The following OPRM1 variants were observed in gnomAD, a reference collection of about 807,000 sequenced individuals.
OPRM1 encodes the protein opioid receptor mu 1, also known as mu-type opioid receptor.
In OPRM1, 27 loss-of-function variants were observed where a neutral mutation model predicts 31.8. That is an observed-to-expected ratio of 0.85 (90% CI 0.63 to 1.17). The LOEUF (loss-of-function observed/expected upper bound fraction) is 1.17, where lower values mean the gene tolerates loss of function less well. OPRM1 is among the 50% of genes most tolerant of loss of function. The pLI is 0.00. For synonymous variants in OPRM1, 196 were observed against 189.9 expected (o/e 1.03, Z -0.26); for missense variants, 536 against 511.1 (o/e 1.05, Z -0.47).
intron 1 of OPRM1, among the ~76,000 whole-genome samples, chr6:154,021,283 T>C (rs1778352358): frequency 6.6e-6 from 1 of 152,200 alleles, no homozygotes; most frequent in African/African-American, 2.4e-5. Context: ...TATGGATCTA[T>C]ACCTGTGCTC....
intron 3 of OPRM1, among the ~76,000 whole-genome samples, chr6:154,152,347 G>GGAA (rs1798546951): frequency 4.6e-5 from 3 of 65,132 alleles, no homozygotes; most frequent in African/African-American, 1.1e-4. Context: ...AAGAAAGAAA[G>GGAA]GAAAGAAAGA....
At chr6:154,117,609 G>A (rs1797006789) in intron 3 of OPRM1, among the ~76,000 whole-genome samples, 1 of 152,104 alleles carries the variant, frequency 6.6e-6, no homozygotes, top group South Asian at 2.1e-4. Flanking sequence ...CGATCAAGCA[G>A]CCACATCATG....
intron 1 of OPRM1, among the ~76,000 whole-genome samples, chr6:154,028,920 A>C (rs1387951223): frequency 6.6e-6 from 1 of 152,168 alleles, no homozygotes. Flanking sequence ...ACTTAAAACC[A>C]AGTGCTGTGA....
intron 3 of OPRM1, among the ~76,000 whole-genome samples, chr6:154,186,125 T>C (rs1243016845): frequency 1.3e-5 from 2 of 152,220 alleles, no homozygotes; most frequent in African/African-American, 4.8e-5. Context: ...TGCTGAAGAT[T>C]ATCCATTTTA....
At chr6:154,027,826 C>T (rs542724384) in intron 1 of OPRM1, among the ~76,000 whole-genome samples, 95 of 152,322 alleles carry the variant, frequency 6.2e-4, no homozygotes, top group African/African-American at 2.1e-3. Context: ...AAAGGCTCTT[C>T]AGTCAGCTTG....
At chr6:154,090,675 C>G (rs1166230323) in intron 2 of OPRM1, among the ~76,000 whole-genome samples, 3 of 152,130 alleles carry the variant, frequency 2.0e-5, no homozygotes, top group Non-Finnish European at 4.4e-5. Context: ...CATGGAGGAT[C>G]TAGCTCATGT....
chr6:154,119,710 T>A lies in OPRM1; in HGVS notation c.*989T>A, dbSNP rs1797198459. Among the ~76,000 whole-genome samples, 1 of 152,308 alleles carries A rather than the reference T, an allele frequency of 6.6e-6. No homozygotes were observed. The highest frequency in any genetic ancestry group is 2.1e-4 in the South Asian group (1 of 4,832). On this transcript the variant is annotated 3_prime_UTR_variant, in exon 4 of 4. Transcript: ENST00000330432. ...TGTTGATTGCCAGAACAGTTTAAAC[T>A]TTTTTTAAACAATAAATCCAATAAA...
intron 3 of OPRM1, among the ~76,000 whole-genome samples, chr6:154,196,196 G>A (rs756296666): frequency 2.6e-5 from 4 of 152,092 alleles, no homozygotes; most frequent in Non-Finnish European, 5.9e-5. Flanking sequence ...AAATTGAATG[G>A]AGTCCAGTTT....
At chr6:154,218,677 A>C (rs1359730893) in intron 3 of OPRM1, among the ~76,000 whole-genome samples, 1 of 152,208 alleles carries the variant, frequency 6.6e-6, no homozygotes, top group Non-Finnish European at 1.5e-5. Context: ...GAGAAGTTGC[A>C]TTGTTGGCTA....
At chr6:154,188,143 T>G (rs1801546433) in intron 3 of OPRM1, among the ~76,000 whole-genome samples, 1 of 152,188 alleles carries the variant, frequency 6.6e-6, no homozygotes, top group Admixed American at 6.5e-5. Context: ...AGAATTAAAA[T>G]GACAATTTAG....
At chr6:154,104,877 G>A (rs1312920191) in intron 3 of OPRM1, among the ~76,000 whole-genome samples, 5 of 152,136 alleles carry the variant, frequency 3.3e-5, no homozygotes, top group Non-Finnish European at 1.5e-5. Flanking sequence ...TATAAGTTGG[G>A]TAAATTTCTT....
At chr6:154,065,622 A>G (rs1785241506) in intron 1 of OPRM1, among the ~76,000 whole-genome samples, 1 of 152,230 alleles carries the variant, frequency 6.6e-6, no homozygotes, top group African/African-American at 2.4e-5. Flanking sequence ...GTATTCTGCT[A>G]CTTCACCAAA....
intron 3 of OPRM1, among the ~76,000 whole-genome samples, chr6:154,164,171 A>G (rs1583679908): frequency 6.6e-6 from 1 of 152,240 alleles, no homozygotes; most frequent in East Asian, 1.9e-4. Flanking sequence ...ATATTAAAAA[A>G]TTAAATAAGA....
At chr6:154,223,522 C>G (rs1300000723) in intron 3 of OPRM1, among the ~76,000 whole-genome samples, 1 of 150,004 alleles carries the variant, frequency 6.7e-6, no homozygotes, top group Non-Finnish European at 1.5e-5. Flanking sequence ...CCTGTCTCCA[C>G]CGGCCTCCTG....
At chr6:154,135,499 A>AGATATAGAT (rs1798037429), downstream of OPRM1, among the ~76,000 whole-genome samples, 1 of 149,984 alleles carries the variant, frequency 6.7e-6, no homozygotes, top group Non-Finnish European at 1.5e-5. Context: ...ATATAGATAT[A>AGATATAGAT]GATATAGATA....
rs1295071766 is a variant in OPRM1, at chr6:154,039,257, T to C, written c.-288T>C. 1 of 1,551,526 alleles carries C rather than the reference T, an allele frequency of 6.4e-7. No homozygotes were observed. The highest frequency in any genetic ancestry group is 8.7e-7 in the Non-Finnish European group (1 of 1,146,896). ...TTTCCCTCCTCCCTCCCTTCCAGCC[T>C]CCGAATCCCGCATGGCCCACGCTCC... On this transcript the variant is annotated 5_prime_UTR_variant, in exon 1 of 4. Transcript: ENST00000330432.
chr6:154,154,837 A>G (rs1380307669), intron 3 of OPRM1: 10 of 152,648 alleles, frequency 6.6e-5, no homozygotes, highest in Admixed American at 3.9e-4. Flanking sequence ...ATGAGAGCAC[A>G]GTAAAACTTA....
chr6:154,240,499 C>A (rs563505310), intron 3 of OPRM1, among the ~76,000 whole-genome samples: 2 of 149,614 alleles, frequency 1.3e-5, no homozygotes, highest in African/African-American at 2.5e-5. Flanking sequence ...GAAAATTAAT[C>A]TGTTCTTTAT....
chr6:154,237,193 T>G (rs1043638714), intron 3 of OPRM1, among the ~76,000 whole-genome samples: 1 of 152,186 alleles, frequency 6.6e-6, no homozygotes, highest in African/African-American at 2.4e-5. Flanking sequence ...TCAAACCTAA[T>G]GAAAAGTTCA....
Sources: gnomAD v4.1 joint callset for allele counts (sites outside exome capture counted in the v4.1 genomes callset) on GRCh38, gnomAD v4.1.1 for gene constraint, MANE v1.5 for transcripts, NCBI Gene and HGNC (gene_info 2026-07-23, HGNC 2026-07-21) for gene names.